Variants in GUCY1A1 observed in about 807,000 individuals in gnomAD.
GUCY1A1 encodes guanylate cyclase soluble subunit alpha-1.
Under a neutral mutation model 64.5 loss-of-function variants are expected in GUCY1A1, and 48 were observed. The observed-to-expected ratio is 0.74, with a 90% CI of 0.59 to 0.95. GUCY1A1 has a LOEUF of 0.95. Ranked by LOEUF, GUCY1A1 falls within the 40% of genes least tolerant of loss-of-function variation. GUCY1A1 has a pLI of 0.00. For missense variants in GUCY1A1, 804 were observed against 825.3 expected, an observed-to-expected ratio of 0.97 and a Z score of 0.32; for synonymous variants, 308 against 303.4, an observed-to-expected ratio of 1.02 and a Z score of -0.16.
At chr4:155,702,010 T>C (rs1216580504) in intron 3 of GUCY1A1, among the ~76,000 whole-genome samples, 1 of 79,310 alleles carries the variant, frequency 1.3e-5, no homozygotes, top group Non-Finnish European at 2.8e-5. Context: ...CAGGTGGACA[T>C]CATTCATTCA....
intron 9 of GUCY1A1, among the ~76,000 whole-genome samples, chr4:155,723,047 C>T (rs945105620): frequency 2.6e-5 from 4 of 152,144 alleles, no homozygotes; most frequent in African/African-American, 9.6e-5. Flanking sequence ...CTTCTATCCA[C>T]AAGATTGATT....
chr4:155,713,201 G>A lies in GUCY1A1; in HGVS notation c.1190G>A (p.Gly397Glu), dbSNP rs1235687859. The A allele has an allele frequency of 6.2e-7, 1 of 1,613,908 alleles. No individual in the cohort carries two copies. ...AGATTAGAAGATTTTACAGGACGAG[G>A]GCTCTACCTCTCAGACATCCCAATT... The part of the protein sequence containing the change: ...VDRLEDFTGR[G>E]LYLSDIPIHN... Residue 397 changes from glycine to glutamate, a missense_variant, in exon 7 of 10, where the codon GGG becomes GAG. Physicochemically the swap from Gly to Glu is moderately conservative, Grantham distance 98. Transcript: ENST00000506455.
chr4:155,692,762 C>A (rs1729916583), intron 2 of GUCY1A1, among the ~76,000 whole-genome samples: 1 of 152,112 alleles, frequency 6.6e-6, no homozygotes, highest in Non-Finnish European at 1.5e-5. Context: ...GATGTTCATG[C>A]CTAATTGAAT....
At chr4:155,716,579 G>GT (rs1448918819) in intron 7 of GUCY1A1, among the ~76,000 whole-genome samples, 1 of 152,042 alleles carries the variant, frequency 6.6e-6, no homozygotes, top group Non-Finnish European at 1.5e-5. Flanking sequence ...CAACATCTTG[G>GT]TTTTTATAAT....
Position 155,732,248 on chromosome 4 carries a change from T to C in GUCY1A1, c.*2017T>C, listed in dbSNP as rs41279329. 3 of 152,018 alleles carry C rather than the reference T, an allele frequency of 2.0e-5. No homozygotes were observed. Among genetic ancestry groups the C allele is most frequent in the Non-Finnish European group, 4.4e-5 (3 of 67,870 alleles). The allele number at this position is 152,018 out of a possible 1,614,324, so 9.4% of individuals were successfully genotyped here. ...ACACAAAACAAATGAGGGGAATGTA[T>C]ATAATCTTGGTGAAAAGTTGTATGG... On this transcript the variant is annotated 3_prime_UTR_variant, in exon 10 of 10. Transcript: ENST00000506455.
chr4:155,679,898 A>G (rs1262506785), intron 2 of GUCY1A1, among the ~76,000 whole-genome samples: 1 of 151,418 alleles, frequency 6.6e-6, no homozygotes, highest in African/African-American at 2.4e-5. Flanking sequence ...ACAATTGTGG[A>G]TCTCTATCTC....
chr4:155,675,102 G>A (rs577493370), intron 2 of GUCY1A1, among the ~76,000 whole-genome samples: 1 of 151,644 alleles, frequency 6.6e-6, no homozygotes, highest in South Asian at 2.1e-4. Flanking sequence ...CAGAAACATT[G>A]TTATTTGGCA....
At position 155,708,256 on chromosome 4, in the gene GUCY1A1, A is replaced by G. The variant is rs771325740; in HGVS notation, c.338A>G (p.Asp113Gly). The change falls in exon 5 of 10, where the codon GAC (aspartate) becomes GGC (glycine). Residue 113 changes from aspartate (D) to glycine (G), a missense_variant. Physicochemically the swap from Asp to Gly is moderately conservative, Grantham distance 94. Coordinates refer to ENST00000506455, the MANE Select transcript of GUCY1A1 (RefSeq NM_001130682.3). ...TCCAGGAAATCTTTGGAAAGAGAAG[A>G]CTTTGAAAAAACAATTGCAGAGCAA... Reference protein sequence around the residue: ...KESRKSLEREDFEKTIAEQAV... With the variant: ...KESRKSLEREGFEKTIAEQAV... 6.5e-6 allele frequency: 10 copies of G among 1,539,170 alleles called. No individual in the cohort carries two copies. The highest frequency in any genetic ancestry group is 1.4e-5 in the African/African-American group (1 of 73,428).
At position 155,705,140 on chromosome 4, in the gene GUCY1A1, G is replaced by A. The variant is rs115154016; in HGVS notation, c.317+1147G>A. Among the ~76,000 whole-genome samples the A allele has an allele frequency of 7.3e-3, 1,117 of 152,314 alleles. 13 individuals carry two copies. Among genetic ancestry groups the A allele is most frequent in the African/African-American group, 0.022 (932 of 41,574 alleles). ...CTCATGAGCTCAAGCATTCACCCGC[G>A]TTGGCCTCCAAAACTGCTAGGATTA... On this transcript the variant is annotated intron_variant, in intron 4 of 9. Coordinates refer to ENST00000506455, the MANE Select transcript of GUCY1A1 (RefSeq NM_001130682.3).
In GUCY1A1 at chr4:155,730,199, A is replaced by G; in HGVS notation, c.2041A>G (p.Asn681Asp). ...GAAAGATGTGGAAGATGGCAATGCC[A>G]ATTTTTTAGGCAAAGCATCAGGAAT... ...QKKDVEDGNA[N>D]FLGKASGID Residue 681 changes from asparagine to aspartate, a missense_variant, in exon 10 of 10, where the codon AAT (asparagine) becomes GAT (aspartate). Asn to Asp is a conservative substitution (Grantham distance 23). Transcript: ENST00000506455. The G allele has an allele frequency of 6.2e-7, 1 of 1,610,770 alleles. No homozygotes were observed. Among genetic ancestry groups the G allele is most frequent in the Non-Finnish European group, 8.5e-7 (1 of 1,177,512 alleles).
intron 6 of GUCY1A1, 91 bp from the exon 7 acceptor site, chr4:155,713,007 G>A (rs1345867192): frequency 1.8e-6 from 2 of 1,083,804 alleles, no homozygotes; most frequent in South Asian, 3.1e-5. Flanking sequence ...AAACACAAAG[G>A]GTTTATTACT....
rs771862603 is a variant in GUCY1A1, at chr4:155,735,094, C to A, written c.*4863C>A. On this transcript the variant is annotated 3_prime_UTR_variant, in exon 10 of 10. Transcript: ENST00000506455. ...CATTCAGTATTCTTATTTTAAGCTG[C>A]AGTAATCACTGTACATTTGATTGCC... 4.6e-5 allele frequency: 7 copies of A among 151,880 alleles called. No individual in the cohort carries two copies. The highest frequency in any genetic ancestry group is 8.8e-5 in the Non-Finnish European group (6 of 67,914). The allele number at this position is 151,880 out of a possible 1,614,324, so 9.4% of individuals were successfully genotyped here. A position where few individuals can be genotyped will look rare whatever the true frequency, so the allele number is the denominator to read the frequency against.
chr4:155,717,223 CT>C lies in GUCY1A1; in HGVS notation c.1638del (p.Val547PhefsTer3). 1 of 1,594,096 alleles carries C rather than the reference CT, an allele frequency of 6.3e-7. No individual in the cohort carries two copies. The highest frequency in any genetic ancestry group is 8.6e-7 in the Non-Finnish European group (1 of 1,167,312). On this transcript the variant is annotated frameshift_variant, in exon 8 of 10. Transcript: ENST00000506455. LOFTEE classifies it high-confidence loss of function. Reference protein sequence around the residue: ...GGLHKESDTHAVQIALMALKM... With the variant: ...GGLHKESDTHXVQIALMALKM... ...TTACACAAAGAGAGTGATACTCATG[CT>C]GTTCAGATAGCGCTGATGGCCCTGA...
Position 155,672,494 on chromosome 4 carries a change from G to A in GUCY1A1, c.-113+5075G>A, listed in dbSNP as rs1734282451. ...TGACTTAAGAGAGTATACTGAGACA[G>A]ACTTGGTCAAATTCCTCCCTGAAAT... On this transcript the variant is annotated intron_variant, in intron 2 of 9. Coordinates refer to ENST00000506455, the MANE Select transcript of GUCY1A1 (RefSeq NM_001130682.3). Among the ~76,000 whole-genome samples, 2 of 152,184 alleles carry A rather than the reference G, an allele frequency of 1.3e-5. 1 individual carries two copies. Among genetic ancestry groups the A allele is most frequent in the South Asian group, 4.1e-4 (2 of 4,828 alleles).
At chr4:155,682,405 G>A (rs1735907626) in intron 2 of GUCY1A1, among the ~76,000 whole-genome samples, 2 of 151,996 alleles carry the variant, frequency 1.3e-5, no homozygotes, top group Admixed American at 6.6e-5. Context: ...GACTGGGCAC[G>A]GTGGCTCATG....
intron 2 of GUCY1A1, among the ~76,000 whole-genome samples, chr4:155,669,267 A>G (rs1476320855): frequency 1.3e-5 from 2 of 152,074 alleles, no homozygotes. Context: ...TTTATACTTT[A>G]TATTGTAAGA....
intron 6 of GUCY1A1, among the ~76,000 whole-genome samples, chr4:155,711,815 A>G (rs758511657): frequency 1.3e-5 from 2 of 152,222 alleles, no homozygotes; most frequent in Non-Finnish European, 2.9e-5. Context: ...CTAAGAGAGA[A>G]GTTTCACACA....
intron 2 of GUCY1A1, among the ~76,000 whole-genome samples, chr4:155,694,229 A>G (rs944852755): frequency 2.0e-5 from 3 of 152,098 alleles, no homozygotes; most frequent in Non-Finnish European, 4.4e-5. Context: ...ACTCTTTTTG[A>G]TTACTTTGAA....
intron 3 of GUCY1A1, among the ~76,000 whole-genome samples, chr4:155,697,418 A>G (rs575808822): frequency 6.6e-6 from 1 of 152,314 alleles, no homozygotes; most frequent in South Asian, 2.1e-4. Flanking sequence ...TATCCCTAAA[A>G]TGGAAATAAT....
Sources: gnomAD v4.1 joint callset for allele counts (sites outside exome capture counted in the v4.1 genomes callset) on GRCh38, gnomAD v4.1.1 for gene constraint, MANE v1.5 for transcripts, NCBI Gene and HGNC (gene_info 2026-07-23, HGNC 2026-07-21) for gene names.